Variants in ASPG observed in about 807,000 individuals in gnomAD.
ASPG encodes 60 kDa lysophospholipase.
In ASPG, 53 loss-of-function variants were observed where a neutral mutation model predicts 63.2. The ratio of observed to expected loss-of-function variants is 0.84; its 90% CI spans 0.67 to 1.05. The LOEUF (loss-of-function observed/expected upper bound fraction) is 1.05. ASPG is among the 50% of genes least tolerant of loss of function. The probability of loss-of-function intolerance (pLI) is 0.00; values close to 1 mark genes in which losing one functional copy is unlikely to be tolerated. For missense variants in ASPG, 741 were observed against 794.4 expected, an observed-to-expected ratio of 0.93 and a Z score of 0.81; for synonymous variants, 370 against 355.0, an observed-to-expected ratio of 1.04 and a Z score of -0.48.
At position 104,105,766 on chromosome 14, in the gene ASPG, G is replaced by A. The variant is rs77519576; in HGVS notation, c.1173+316G>A. ...AGAAGAAGGGCGGGTGAGTGGGGGC[G>A]GTGCTTGCTCTGGGCTCTCCCAGGC... On this transcript the variant is annotated intron_variant, in intron 10 of 15. Coordinates refer to ENST00000551177, the MANE Select transcript of ASPG (RefSeq NM_001080464.3). Among the ~76,000 whole-genome samples, 1,125 of 152,256 alleles carry A rather than the reference G, an allele frequency of 7.4e-3. 13 individuals carry two copies. Among genetic ancestry groups the A allele is most frequent in the African/African-American group, 0.026 (1,068 of 41,546 alleles).
chr14:104,106,067 A>T lies in ASPG; in HGVS notation c.1173+617A>T, dbSNP rs78624089. 6.4e-4 allele frequency among the ~76,000 whole-genome samples: 97 copies of T among 152,302 alleles called. 3 individuals carry two copies. In the East Asian group the frequency reaches 0.018, roughly 28 times the overall value. ...AGTGCCTCGGTTTCCCCCTACAGGG[A>T]TGGACCTGTCTTGTGAGCCATGTGC... On this transcript the variant is annotated intron_variant, in intron 10 of 15. Transcript: ENST00000551177.
intron 1 of ASPG, 81 bp downstream of exon 1, chr14:104,085,933 G>C: frequency 7.4e-7 from 1 of 1,344,608 alleles, no homozygotes; most frequent in Non-Finnish European, 9.9e-7. Context: ...ACCCACGGGG[G>C]TCGTTGGGGA....
Position 104,111,488 on chromosome 14 carries a change from GC to G in ASPG, c.1521-9del. 1 of 1,547,608 alleles carries G rather than the reference GC, an allele frequency of 6.5e-7. No homozygotes were observed. Among genetic ancestry groups the G allele is most frequent in the Non-Finnish European group, 8.7e-7 (1 of 1,144,850 alleles). On this transcript the variant is annotated splice_polypyrimidine_tract_variant and intron_variant, in intron 13 of 15. Transcript: ENST00000551177. ...AGCAGGCCCCAACAACTCCTCCTCTGCCCCCACCCCCAGGCTGGCATACAGG... is the reference window on the plus strand; with the variant it reads ...AGCAGGCCCCAACAACTCCTCCTCTGCCCCACCCCCAGGCTGGCATACAGG...
chr14:104,111,995 T>C lies in ASPG; in HGVS notation c.1696T>C (p.Cys566Arg). The C allele has an allele frequency of 6.4e-7, 1 of 1,553,786 alleles. No homozygotes were observed. Among genetic ancestry groups the C allele is most frequent in the Non-Finnish European group, 8.7e-7 (1 of 1,148,344 alleles). ...LEGAVGAQAP[C>R]PEVLPGV ...GGGTGCGGTTGGTGCCCAGGCCCCA[T>C]GCCCAGTAAGTCCCCACCCCAGGCG... The change falls in exon 15 of 16, where the codon TGC becomes CGC. Residue 566 changes from cysteine (C) to arginine (R), a missense_variant. Coordinates refer to ENST00000551177, the MANE Select transcript of ASPG (RefSeq NM_001080464.3).
rs1165116154 is a variant in ASPG at position 104,091,488 on chromosome 14, G to A, written c.83-1145G>A. ...TGCATCTTCCAGTCCTCTGGCAAAC[G>A]TCCCCGGGGCTCCACAGGCCTTTGT... On this transcript the variant is annotated intron_variant, in intron 1 of 15. Transcript: ENST00000551177. This position sits in a 1 kb window ranked among gnomAD's most constrained non-coding sequence, Gnocchi z 6.4. 3.3e-5 allele frequency among the ~76,000 whole-genome samples: 5 copies of A among 152,116 alleles called. No individual in the cohort carries two copies. Among genetic ancestry groups the A allele is most frequent in the East Asian group, 3.9e-4 (2 of 5,180 alleles).
chr14:104,093,109 C>T, intron 2 of ASPG: 2 of 476,568 alleles, frequency 4.2e-6, no homozygotes, highest in Non-Finnish European at 3.8e-6. Flanking sequence ...GGCCCAGCTC[C>T]CTGATGTCCC....
chr14:104,112,453 C>T lies in ASPG; in HGVS notation c.1702-71C>T, dbSNP rs1049351783. On this transcript the variant is annotated intron_variant, in intron 15 of 15. Transcript: ENST00000551177. ...GGGCTGTGCCGTACAGACGGGGTGCCTGGGCTTGTCTCTCTGCCCTGCCTT... is the reference window on the plus strand; with the variant it reads ...GGGCTGTGCCGTACAGACGGGGTGCTTGGGCTTGTCTCTCTGCCCTGCCTT... The T allele has an allele frequency of 3.0e-5, 27 of 908,058 alleles. No homozygotes were observed. The African/African-American group carries it at 3.9e-4, about 13-fold the overall frequency. 56.3% of individuals were successfully genotyped at this position (908,058 alleles called of 1,614,324 possible).
chr14:104,093,203 C>T (rs1370261395), intron 2 of ASPG: 1 of 546,294 alleles, frequency 1.8e-6, no homozygotes, highest in Non-Finnish European at 3.3e-6. Flanking sequence ...CAAGCATCCT[C>T]TCCTGCCTGG....
Position 104,095,335 on chromosome 14 carries a change from G to A in ASPG, c.304-196G>A, listed in dbSNP as rs968598500. Among the ~76,000 whole-genome samples the A allele has an allele frequency of 1.4e-4, 22 of 152,236 alleles. 1 individual carries two copies. In the East Asian group the frequency reaches 3.1e-3, roughly 21 times the overall value. ...TGCACCCGAGTGGCATGGAAGCCTCGGGGCAGGGAGAGCGTGGGAGTCCCA... is the reference window on the plus strand; with the variant it reads ...TGCACCCGAGTGGCATGGAAGCCTCAGGGCAGGGAGAGCGTGGGAGTCCCA... On this transcript the variant is annotated intron_variant, in intron 3 of 15. Transcript: ENST00000551177.
At chr14:104,106,944 G>A (rs2037158255) in intron 11 of ASPG, 50 bp downstream of exon 11, 1 of 1,522,504 alleles carries the variant, frequency 6.6e-7, no homozygotes, top group Non-Finnish European at 8.9e-7. Flanking sequence ...CCTGGCCTGG[G>A]GGCTCTGAAC....
chr14:104,087,696 A>G (rs566228468), intron 1 of ASPG, among the ~76,000 whole-genome samples: 8 of 152,248 alleles, frequency 5.3e-5, no homozygotes, highest in African/African-American at 1.9e-4. Context: ...AGTGTGGCCA[A>G]CTGCAGTTTC....
chr14:104,085,757 G>A lies in ASPG; in HGVS notation c.-14G>A. 1 of 1,570,080 alleles carries A rather than the reference G, an allele frequency of 6.4e-7. No homozygotes were observed. Among genetic ancestry groups the A allele is most frequent in the South Asian group, 1.2e-5 (1 of 86,694 alleles). On this transcript the variant is annotated 5_prime_UTR_variant, in exon 1 of 16. Transcript: ENST00000551177. The stretch of plus-strand genomic sequence containing the variant: ...CTGCACACCCCCGTCCACTCCCGTG[G>A]TCCCCGGTCCGGCATGGCGCGCGCG...
At chr14:104,100,254 C>G (rs1003407647) in intron 6 of ASPG, among the ~76,000 whole-genome samples, 2 of 152,128 alleles carry the variant, frequency 1.3e-5, no homozygotes, top group African/African-American at 4.8e-5. Context: ...AGGGCAGGGG[C>G]CTTCCTGGAG....
chr14:104,112,582 C>T lies in ASPG; in HGVS notation c.*38C>T, dbSNP rs1480673946. The stretch of plus-strand genomic sequence containing the variant: ...CTGCTGCAGTATAAGCCATTCCTTC[C>T]TCCCATGACCTGCTGGAGGGGTCTC... On this transcript the variant is annotated 3_prime_UTR_variant, in exon 16 of 16. Coordinates refer to ENST00000551177, the MANE Select transcript of ASPG (RefSeq NM_001080464.3). 6.2e-7 allele frequency: 1 copy of T among 1,605,984 alleles called. No individual in the cohort carries two copies. Among genetic ancestry groups the T allele is most frequent in the African/African-American group, 1.3e-5 (1 of 74,980 alleles).
Position 104,098,922 on chromosome 14 carries a change from G to C in ASPG, c.583G>C (p.Ala195Pro), listed in dbSNP as rs757196253. The change falls in exon 6 of 16, where the codon GCA (alanine) becomes CCA (proline). Residue 195 changes from alanine to proline, a missense_variant. Ala to Pro is a conservative substitution (Grantham distance 27). Coordinates refer to ENST00000551177, the MANE Select transcript of ASPG (RefSeq NM_001080464.3). Reference sequence around the variant, plus strand: ...AACCAAGGTAGACGCTCGGAGGTTCGCAGCTTTCTGCTCCCCGAACCTGCT... The same window carrying C: ...AACCAAGGTAGACGCTCGGAGGTTCCCAGCTTTCTGCTCCCCGAACCTGCT... ...RATKVDARRF[A>P]AFCSPNLLPL... 6.2e-7 allele frequency: 1 copy of C among 1,608,180 alleles called. No homozygotes were observed. The highest frequency in any genetic ancestry group is 1.3e-5 in the African/African-American group (1 of 74,906).
At chr14:104,101,625 G>T (rs955258657) in intron 6 of ASPG, among the ~76,000 whole-genome samples, 2 of 152,226 alleles carry the variant, frequency 1.3e-5, no homozygotes, top group African/African-American at 4.8e-5. Context: ...GGCCCTTGGA[G>T]CAGAGGAGGG....
chr14:104,090,682 C>G (rs377224836), intron 1 of ASPG, among the ~76,000 whole-genome samples: 3 of 152,358 alleles, frequency 2.0e-5, no homozygotes, highest in South Asian at 2.1e-4. Context: ...TATGGCCTTC[C>G]CCTCCCCGTG....
rs2037274276 is a variant in ASPG, at chr14:104,109,093, A to G, written c.1434-136A>G. On this transcript the variant is annotated intron_variant, in intron 12 of 15. Coordinates refer to ENST00000551177, the MANE Select transcript of ASPG (RefSeq NM_001080464.3). The surrounding 1 kb of genome is among the most constrained non-coding windows in gnomAD (Gnocchi z 4.8). ...GGATGGGGGGATGGGCCCTTGTCTG[A>G]GGCTAGGGCTGTGGGGTCTTGGGCC... 4.0e-6 allele frequency: 6 copies of G among 1,484,244 alleles called. No homozygotes were observed. In the Admixed American group the frequency reaches 1.1e-4, roughly 27 times the overall value. 91.9% of individuals were successfully genotyped at this position (1,484,244 alleles called of 1,614,324 possible). A position where few individuals can be genotyped will look rare whatever the true frequency, so the allele number is the denominator to read the frequency against.
intron 3 of ASPG, 38 bp from the exon 4 acceptor site, chr14:104,095,493 G>C (rs772558928): frequency 1.9e-6 from 3 of 1,610,638 alleles, no homozygotes; most frequent in Non-Finnish European, 2.5e-6. Context: ...ACCTGCTTGC[G>C]AGGGGCTGGC....
Sources: allele counts gnomAD v4.1 joint callset (sites outside exome capture counted in the v4.1 genomes callset), GRCh38; gene constraint gnomAD v4.1.1; non-coding constraint Gnocchi (gnomAD v3.1); transcripts MANE v1.5; gene names NCBI Gene and HGNC (gene_info 2026-07-23, HGNC 2026-07-21).